The following TSHZ3 variants were observed in gnomAD, a reference collection of about 807,000 sequenced individuals.
TSHZ3 encodes teashirt zinc finger homeobox 3.
In TSHZ3, 10 loss-of-function variants were observed where a neutral mutation model predicts 64.5. That is an observed-to-expected ratio of 0.16 (90% CI 0.10 to 0.26). The LOEUF (loss-of-function observed/expected upper bound fraction) is 0.26. TSHZ3 is among the 10% of genes least tolerant of loss of function. The probability of loss-of-function intolerance (pLI) is 1.00; values close to 1 mark genes in which losing one functional copy is unlikely to be tolerated. For missense variants in TSHZ3, 1,242 were observed against 1,421.7 expected, an observed-to-expected ratio of 0.87 and a Z score of 2.03; for synonymous variants, 608 against 593.1, an observed-to-expected ratio of 1.03 and a Z score of -0.36.
rs11408306 is a variant in TSHZ3 at position 31,285,478 on chromosome 19, A to AC, written c.41-5727_41-5726insG. 9.8e-3 allele frequency among the ~76,000 whole-genome samples: 269 copies of AC among 27,508 alleles called. 1 individual carries two copies. The highest frequency in any genetic ancestry group is 0.013 in the Non-Finnish European group (225 of 17,764). 18.0% of individuals were successfully genotyped at this position (27,508 alleles called of 152,430 possible). A position where few individuals can be genotyped will look rare whatever the true frequency, so the allele number is the denominator to read the frequency against. On this transcript the variant is annotated intron_variant, in intron 1 of 1. Transcript: ENST00000240587. ...CTGGGTGACAGAGTGATTCTGTCTC[A>AC]AAAAAAAAAAAAAGGAAAAGTAGGC...
chr19:31,287,783 C>G (rs1344467800), intron 1 of TSHZ3, among the ~76,000 whole-genome samples: 2 of 152,180 alleles, frequency 1.3e-5, no homozygotes, highest in African/African-American at 2.4e-5. Flanking sequence ...CCTGTGAGTT[C>G]TGGTACAGAA....
At chr19:31,287,640 G>A (rs970111062) in intron 1 of TSHZ3, among the ~76,000 whole-genome samples, 1 of 152,124 alleles carries the variant, frequency 6.6e-6, no homozygotes, top group Non-Finnish European at 1.5e-5. Context: ...CTGGCGTAGG[G>A]GAGAGAGAGG....
intron 1 of TSHZ3, among the ~76,000 whole-genome samples, chr19:31,258,221 C>G (rs1262308702): frequency 6.6e-6 from 1 of 152,180 alleles, no homozygotes; most frequent in Non-Finnish European, 1.5e-5. Flanking sequence ...GAGCAGCTCC[C>G]AAGGGTATAA....
At chr19:31,196,137 C>T (rs985842600) in intron 5 of TSHZ3, among the ~76,000 whole-genome samples, 3 of 151,646 alleles carry the variant, frequency 2.0e-5, no homozygotes, top group African/African-American at 7.3e-5. Flanking sequence ...AAAACAATGA[C>T]ATAAGGGACG....
chr19:31,284,672 G>A (rs1197428122), intron 1 of TSHZ3, among the ~76,000 whole-genome samples: 3 of 152,230 alleles, frequency 2.0e-5, no homozygotes, highest in South Asian at 4.1e-4. Flanking sequence ...CAGGGAAAAG[G>A]CTCTTGGGGA....
intron 1 of TSHZ3, among the ~76,000 whole-genome samples, chr19:31,259,953 A>C (rs1009159926): frequency 2.0e-5 from 3 of 152,170 alleles, no homozygotes; most frequent in African/African-American, 7.2e-5. Context: ...ATGTGGGCCC[A>C]GTTGCGCGGG....
chr19:31,244,851 C>T (rs1220541135), intron 1 of TSHZ3, among the ~76,000 whole-genome samples: 3 of 152,092 alleles, frequency 2.0e-5, no homozygotes, highest in East Asian at 1.9e-4. Context: ...ACCATTTTGC[C>T]CAGGCTGGTC....
intron 1 of TSHZ3, among the ~76,000 whole-genome samples, chr19:31,253,108 C>A (rs565067590): frequency 2.6e-5 from 4 of 152,244 alleles, no homozygotes; most frequent in African/African-American, 9.6e-5. Flanking sequence ...CTTAGTTAAT[C>A]GAAACCATCT....
At chr19:31,221,189 A>T (rs1975390873) in intron 4 of TSHZ3, among the ~76,000 whole-genome samples, 1 of 152,210 alleles carries the variant, frequency 6.6e-6, no homozygotes, top group South Asian at 2.1e-4. Context: ...TGGCAGGTGT[A>T]GCATTAGAGG....
intron 5 of TSHZ3, among the ~76,000 whole-genome samples, chr19:31,195,410 A>C (rs2145143590): frequency 6.6e-6 from 1 of 152,256 alleles, no homozygotes; most frequent in East Asian, 1.9e-4. Flanking sequence ...TTCTCCTCTT[A>C]AACTATGCCA....
In TSHZ3 at chr19:31,184,680, G is replaced by A. The variant is rs1974775113; in HGVS notation, n.809+20276C>T. 2.0e-5 allele frequency among the ~76,000 whole-genome samples: 3 copies of A among 152,258 alleles called. No individual in the cohort carries two copies. The South Asian group carries it at 6.2e-4, about 32-fold the overall frequency. On this transcript the variant is annotated intron_variant and non_coding_transcript_variant, in intron 5 of 6. Coordinates refer to the TSHZ3 transcript ENST00000651361. ...AGGTAGTAAGTGACAGAATTAACAG[G>A]AGCACTTTGCAGAGTTTTGCTATTT...
intron 1 of TSHZ3, among the ~76,000 whole-genome samples, chr19:31,299,891 C>T (rs1189989040): frequency 2.0e-5 from 3 of 152,230 alleles, no homozygotes. Flanking sequence ...CAGAATGTCA[C>T]ATGAGCAAAG....
At chr19:31,222,578 C>T (rs776543462) in intron 4 of TSHZ3, among the ~76,000 whole-genome samples, 3 of 152,194 alleles carry the variant, frequency 2.0e-5, no homozygotes, top group African/African-American at 7.2e-5. Context: ...CTGCCATGCT[C>T]TCAGGAATAT....
At chr19:31,184,258 T>C (rs984166530) in intron 5 of TSHZ3, among the ~76,000 whole-genome samples, 1 of 152,240 alleles carries the variant, frequency 6.6e-6, no homozygotes, top group Non-Finnish European at 1.5e-5. Flanking sequence ...TCTTGTATAG[T>C]TTTTATTAAA....
chr19:31,210,638 G>A (rs912331032), intron 4 of TSHZ3, among the ~76,000 whole-genome samples: 1 of 152,148 alleles, frequency 6.6e-6, no homozygotes, highest in Non-Finnish European at 1.5e-5. Context: ...TCTAACGAGT[G>A]AGAGGAAGCT....
intron 5 of TSHZ3, among the ~76,000 whole-genome samples, chr19:31,171,435 G>A (rs928501090): frequency 3.3e-5 from 5 of 152,078 alleles, no homozygotes; most frequent in Non-Finnish European, 7.4e-5. Flanking sequence ...GGGAAGAAAT[G>A]TAACTATGTG....
intron 5 of TSHZ3, among the ~76,000 whole-genome samples, chr19:31,161,215 T>C (rs1568333380): frequency 6.6e-6 from 1 of 152,204 alleles, no homozygotes; most frequent in African/African-American, 2.4e-5. Context: ...AAAATTATTT[T>C]GGTGAGCCTA....
At position 31,279,375 on chromosome 19, in the gene TSHZ3, G is replaced by T; in HGVS notation, c.418C>A (p.Gln140Lys). Residue 140 changes from glutamine (Q) to lysine (K), a missense_variant, in exon 2 of 2, where the codon CAG becomes AAG. Physicochemically the swap from Gln to Lys is moderately conservative, Grantham distance 53. This residue lies in a region of TSHZ3 where 555 missense variants were observed against 704.0 expected (regional missense o/e 0.79). Transcript: ENST00000240587. This position sits in a 1 kb window ranked among gnomAD's most constrained non-coding sequence, Gnocchi z 6.4. ...YWSNLNLNLH[Q>K]PSSEKNNGSS... is the part of the protein sequence containing the mutation. ...CCGTTGTTCTTCTCCGAGGAGGGCT[G>T]GTGCAGGTTGAGGTTGAGGTTGGAC... 6.2e-7 allele frequency: 1 copy of T among 1,614,220 alleles called. No homozygotes were observed. The highest frequency in any genetic ancestry group is 1.1e-5 in the South Asian group (1 of 91,088).
intron 1 of TSHZ3, among the ~76,000 whole-genome samples, chr19:31,247,706 G>T (rs1975775478): frequency 6.6e-6 from 1 of 152,074 alleles, no homozygotes; most frequent in Non-Finnish European, 1.5e-5. Flanking sequence ...CCTGATTTTT[G>T]TGTATTTTCT....
Sources: allele counts gnomAD v4.1 joint callset (sites outside exome capture counted in the v4.1 genomes callset), GRCh38; gene constraint gnomAD v4.1.1; regional missense constraint gnomAD v4.1.1; non-coding constraint Gnocchi (gnomAD v3.1); transcripts MANE v1.5; gene names NCBI Gene and HGNC (gene_info 2026-07-23, HGNC 2026-07-21).